The following FHOD3 variants were observed in gnomAD, a reference collection of about 807,000 sequenced individuals.
FHOD3 encodes FH1/FH2 domain-containing protein 3.
Under a neutral mutation model 173.0 loss-of-function variants are expected in FHOD3, and 90 were observed. The observed-to-expected ratio is 0.52, with a 90% CI of 0.44 to 0.62. FHOD3 has a LOEUF of 0.62. Ranked by LOEUF, FHOD3 falls within the 20% of genes least tolerant of loss-of-function variation. FHOD3 has a pLI of 0.00. For missense variants in FHOD3, 1,945 were observed against 2,034.7 expected (o/e 0.96, Z 0.85); for synonymous variants, 828 against 823.0 (o/e 1.01, Z -0.10).
chr18:36,371,759 G>T (rs541441032), intron 2 of FHOD3, among the ~76,000 whole-genome samples: 3 of 152,206 alleles, frequency 2.0e-5, no homozygotes, highest in African/African-American at 7.2e-5. Flanking sequence ...CACACACCAG[G>T]AGGCAGGAAA....
chr18:36,382,051 C>T (rs898235117), intron 3 of FHOD3, among the ~76,000 whole-genome samples: 8 of 152,152 alleles, frequency 5.3e-5, no homozygotes, highest in African/African-American at 1.7e-4. Flanking sequence ...TGCCAGCCAT[C>T]GCAGTGGGGC....
chr18:36,660,946 G>A (rs929599721), intron 14 of FHOD3, among the ~76,000 whole-genome samples: 4 of 152,192 alleles, frequency 2.6e-5, no homozygotes, highest in African/African-American at 9.7e-5. Flanking sequence ...GAGTACGGTA[G>A]CTTCTAAGAG....
chr18:36,603,548 G>A (rs962422022), intron 8 of FHOD3, among the ~76,000 whole-genome samples: 2 of 151,722 alleles, frequency 1.3e-5, no homozygotes, highest in Admixed American at 6.6e-5. Flanking sequence ...CTGTTGCCCA[G>A]GCTGGAGTGC....
rs2150114517 is a variant in FHOD3, at chr18:36,747,122, A to C, written c.4219A>C (p.Arg1407=). 6.2e-7 allele frequency: 1 copy of C among 1,609,994 alleles called. No homozygotes were observed. Among genetic ancestry groups the C allele is most frequent in the South Asian group, 1.1e-5 (1 of 90,160 alleles). Reference sequence around the variant, plus strand: ...TATAATTTTAAAGATTGTCCATAGAAGGATAATCAACAGGTAAGTGGATTG... The same window carrying C: ...TATAATTTTAAAGATTGTCCATAGACGGATAATCAACAGGTAAGTGGATTG... The part of the protein sequence containing the change: ...RIIILKIVHR[R]IINRFHSFLL... The change falls in exon 24 of 29, where the codon AGG becomes CGG. Residue 1407 remains arginine, a synonymous_variant. Coordinates refer to ENST00000590592, the MANE Select transcript of FHOD3 (RefSeq NM_001281740.3).
chr18:36,481,020 G>GTTTTTTTTTT (rs35793521), intron 3 of FHOD3, among the ~76,000 whole-genome samples: 2 of 104,442 alleles, frequency 1.9e-5, no homozygotes, highest in African/African-American at 8.0e-5. Context: ...TTGGGAGGTG[G>GTTTTTTTTTT]TTTTTTTTTT....
intron 6 of FHOD3, among the ~76,000 whole-genome samples, chr18:36,583,282 CAG>C: frequency 6.6e-6 from 1 of 152,226 alleles, no homozygotes; most frequent in South Asian, 2.1e-4. Flanking sequence ...CAGTCAGTGC[CAG>C]AGCTTTGGGG....
At chr18:36,372,405 A>C (rs550361886) in intron 2 of FHOD3, among the ~76,000 whole-genome samples, 1 of 152,362 alleles carries the variant, frequency 6.6e-6, no homozygotes, top group East Asian at 1.9e-4. Context: ...ATGGTCAAGC[A>C]TGACTTTGTG....
chr18:36,349,011 C>T (rs990201829), intron 1 of FHOD3, among the ~76,000 whole-genome samples: 1 of 152,132 alleles, frequency 6.6e-6, no homozygotes, highest in Non-Finnish European at 1.5e-5. Context: ...AAAGTCAGAA[C>T]CCTAAAGTTG....
At chr18:36,434,004 T>C (rs2050687593) in intron 3 of FHOD3, among the ~76,000 whole-genome samples, 1 of 152,180 alleles carries the variant, frequency 6.6e-6, no homozygotes, top group Non-Finnish European at 1.5e-5. Context: ...CTCTAGGCCC[T>C]CTCCGCTCCC....
intron 1 of FHOD3, among the ~76,000 whole-genome samples, chr18:36,312,346 G>T (rs1289240960): frequency 6.6e-6 from 1 of 152,020 alleles, no homozygotes; most frequent in Non-Finnish European, 1.5e-5. Context: ...CACCCTCTTT[G>T]TCCTGGATGG....
chr18:36,779,402 C>A (rs771159211), intron 28 of FHOD3, 46 bp from the exon 29 acceptor site: 1 of 1,584,042 alleles, frequency 6.3e-7, no homozygotes. Context: ...GCTCATACTT[C>A]CTTTTCTTCT....
intron 3 of FHOD3, among the ~76,000 whole-genome samples, chr18:36,381,862 G>T (rs925787382): frequency 4.6e-5 from 7 of 152,218 alleles, no homozygotes; most frequent in African/African-American, 1.7e-4. Context: ...TGACGCCATG[G>T]TATCACCTCA....
At chr18:36,378,614 A>G (rs1006154733) in intron 3 of FHOD3, among the ~76,000 whole-genome samples, 12 of 150,984 alleles carry the variant, frequency 7.9e-5, no homozygotes, top group Admixed American at 2.0e-4. Flanking sequence ...AAAAAAAAAA[A>G]AGAGAGATGG....
intron 1 of FHOD3, among the ~76,000 whole-genome samples, chr18:36,324,852 T>A (rs761663063): frequency 6.6e-6 from 1 of 152,204 alleles, no homozygotes; most frequent in Non-Finnish European, 1.5e-5. Context: ...GACACCTTTG[T>A]ATATATATGT....
At chr18:36,674,957 A>G (rs1337018961) in intron 14 of FHOD3, among the ~76,000 whole-genome samples, 2 of 152,148 alleles carry the variant, frequency 1.3e-5, no homozygotes, top group Non-Finnish European at 2.9e-5. Flanking sequence ...CTTGAAATGT[A>G]CTGTTACTTC....
At chr18:36,607,155 T>C (rs972078328) in intron 8 of FHOD3, among the ~76,000 whole-genome samples, 3 of 152,264 alleles carry the variant, frequency 2.0e-5, no homozygotes, top group Admixed American at 6.5e-5. Flanking sequence ...GGCTTCACCC[T>C]GTGACAAATC....
chr18:36,476,009 A>C (rs1407217419), intron 3 of FHOD3, among the ~76,000 whole-genome samples: 2 of 152,208 alleles, frequency 1.3e-5, no homozygotes, highest in African/African-American at 2.4e-5. Context: ...ATTGGTCAAG[A>C]AATGTATTTT....
At chr18:36,642,140 G>C (rs2035356258) in intron 10 of FHOD3, among the ~76,000 whole-genome samples, 1 of 151,912 alleles carries the variant, frequency 6.6e-6, no homozygotes, top group South Asian at 2.1e-4. Context: ...CCTACCTGAG[G>C]GCAAAGGATG....
chr18:36,387,999 G>GT (rs1157744895), intron 3 of FHOD3, among the ~76,000 whole-genome samples: 4 of 152,088 alleles, frequency 2.6e-5, no homozygotes, highest in Non-Finnish European at 4.4e-5. Context: ...CTGAGCCTTA[G>GT]TTTCCCTAAC....
Sources: allele counts gnomAD v4.1 joint callset (sites outside exome capture counted in the v4.1 genomes callset), GRCh38; gene constraint gnomAD v4.1.1; transcripts MANE v1.5; gene names NCBI Gene and HGNC (gene_info 2026-07-23, HGNC 2026-07-21).